Variants in MBNL2 observed in about 807,000 individuals in gnomAD.
The protein encoded by MBNL2 is muscleblind like splicing regulator 2, also known as muscleblind-like protein 2.
In MBNL2, 17 loss-of-function variants were observed where a neutral mutation model predicts 41.9. The ratio of observed to expected loss-of-function variants is 0.41; its 90% CI spans 0.28 to 0.61. The LOEUF (loss-of-function observed/expected upper bound fraction) is 0.61, where lower values mean the gene tolerates loss of function less well. Among genes scored for constraint, MBNL2 ranks in the 20% least tolerant of loss-of-function variants. MBNL2 has a pLI of 0.35. For missense variants in MBNL2, 336 were observed against 505.6 expected, an observed-to-expected ratio of 0.66 and a Z score of 3.22; for synonymous variants, 195 against 182.9, an observed-to-expected ratio of 1.07 and a Z score of -0.53.
At chr13:97,271,051 A>T (rs1230730845) in intron 1 of MBNL2, among the ~76,000 whole-genome samples, 2 of 152,024 alleles carry the variant, frequency 1.3e-5, no homozygotes, top group Non-Finnish European at 2.9e-5. Context: ...TCCTTCTGAA[A>T]CATCTTTGCT....
upstream of MBNL2, among the ~76,000 whole-genome samples, chr13:97,221,748 A>T (rs957418038): frequency 2.6e-5 from 4 of 152,222 alleles, no homozygotes; most frequent in Non-Finnish European, 4.4e-5. Flanking sequence ...CGCAGTAATT[A>T]ACCACTGCAA....
chr13:97,351,931 G>A (rs2062511253), intron 5 of MBNL2, among the ~76,000 whole-genome samples: 1 of 152,156 alleles, frequency 6.6e-6, no homozygotes, highest in South Asian at 2.1e-4. Flanking sequence ...GCTGAGGCAT[G>A]AGAATCGCTT....
At chr13:97,382,466 G>T (rs546809793) in intron 8 of MBNL2, among the ~76,000 whole-genome samples, 1 of 152,292 alleles carries the variant, frequency 6.6e-6, no homozygotes, top group East Asian at 1.9e-4. Context: ...AGCTGTGGAG[G>T]CGCCATAATC....
rs1555317480 is a variant in MBNL2, at chr13:97,346,139, ATAGATAGATGGTAGGTAGG to A, written c.541-654_541-636del. ...AATGAATGGCTGGCTGGATGGACGGATAGATAGATGGTAGGTAGGTAGATAGATGATAGATAATATTAGG... is the reference window on the plus strand; with the variant it reads ...AATGAATGGCTGGCTGGATGGACGGATAGATAGATGATAGATAATATTAGG... On this transcript the variant is annotated intron_variant, in intron 4 of 8. Transcript: ENST00000679496. The surrounding 1 kb of genome is among the most constrained non-coding windows in gnomAD (Gnocchi z 4.2). 6.6e-6 allele frequency among the ~76,000 whole-genome samples: 1 copy of A among 152,104 alleles called. No individual in the cohort carries two copies. The highest frequency in any genetic ancestry group is 1.5e-5 in the Non-Finnish European group (1 of 68,014).
intron 8 of MBNL2, among the ~76,000 whole-genome samples, chr13:97,373,605 A>AATATATAT (rs35049420): frequency 0.075 from 10,924 of 145,254 alleles, 471 homozygotes; most frequent in African/African-American, 0.12. Context: ...GTATGCTAAA[A>AATATATAT]ATATATATAT....
At position 97,361,664 on chromosome 13, in the gene MBNL2, A is replaced by G. The variant is rs150248540; in HGVS notation, c.1013-3472A>G. Among the ~76,000 whole-genome samples the G allele has an allele frequency of 1.2e-4, 19 of 152,106 alleles. No individual in the cohort carries two copies. In the East Asian group the frequency reaches 1.9e-3, roughly 15 times the overall value. ...GAGCTGTGGATTATTTGCAATCCCA[A>G]TGATATTCACATGCATGGCACAGCA... On this transcript the variant is annotated intron_variant, in intron 7 of 8. Transcript: ENST00000679496.
chr13:97,317,144 T>C (rs2059127995), intron 2 of MBNL2, among the ~76,000 whole-genome samples: 1 of 152,074 alleles, frequency 6.6e-6, no homozygotes, highest in South Asian at 2.1e-4. Flanking sequence ...GGTAACTCAA[T>C]GTGGGAGATG....
At chr13:97,218,430 C>CAAAAAAAAAAAAAAAAAAAA (rs746110575), upstream of MBNL2, among the ~76,000 whole-genome samples, 3 of 69,052 alleles carry the variant, frequency 4.3e-5, no homozygotes, top group Non-Finnish European at 5.4e-5. Context: ...AAAAACAAAA[C>CAAAAAAAAAAAAAAAAAAAA]AAAACAAAAC....
intron 1 of MBNL2, among the ~76,000 whole-genome samples, chr13:97,226,813 A>G (rs1435292282): frequency 2.0e-5 from 3 of 152,150 alleles, no homozygotes; most frequent in Non-Finnish European, 4.4e-5. Flanking sequence ...GTCTCAGCAT[A>G]CTGAGTTTTG....
At chr13:97,286,280 A>G (rs1199572824) in intron 2 of MBNL2, among the ~76,000 whole-genome samples, 2 of 152,212 alleles carry the variant, frequency 1.3e-5, no homozygotes, top group African/African-American at 4.8e-5. Flanking sequence ...AGTAGATGGT[A>G]CAATTCCTTG....
the MBNL2 span, among the ~76,000 whole-genome samples, chr13:97,156,548 A>C: frequency 1.4e-5 from 2 of 138,060 alleles, no homozygotes; most frequent in Admixed American, 1.5e-4. Flanking sequence ...TTAAGTCTTT[A>C]ATCCATCTTG....
the MBNL2 span, among the ~76,000 whole-genome samples, chr13:97,161,477 G>A: frequency 6.6e-6 from 1 of 152,160 alleles, no homozygotes; most frequent in Non-Finnish European, 1.5e-5. Flanking sequence ...GACTTTTACT[G>A]TAGTGTGAAA....
intron 1 of MBNL2, among the ~76,000 whole-genome samples, chr13:97,242,999 CCTT>C (rs1168341280): frequency 2.6e-5 from 4 of 152,188 alleles, no homozygotes; most frequent in African/African-American, 4.8e-5. Context: ...GCAGGCGTCT[CCTT>C]CTTGCCCTCT....
At chr13:97,142,039 C>G in the MBNL2 span, among the ~76,000 whole-genome samples, 1 of 150,016 alleles carries the variant, frequency 6.7e-6, no homozygotes, top group East Asian at 1.9e-4. Flanking sequence ...ATTTGCAAAA[C>G]AAAAAAGAAA....
the MBNL2 span, among the ~76,000 whole-genome samples, chr13:97,164,525 C>A: frequency 6.6e-6 from 1 of 151,934 alleles, no homozygotes; most frequent in Non-Finnish European, 1.5e-5. Context: ...ATTTAAATGC[C>A]TAATTGCAAG....
intron 1 of MBNL2, among the ~76,000 whole-genome samples, chr13:97,265,678 T>A (rs2049618160): frequency 6.6e-6 from 1 of 152,178 alleles, no homozygotes; most frequent in African/African-American, 2.4e-5. Flanking sequence ...TGTACATGCA[T>A]GTGGATGTCT....
At chr13:97,362,740 G>A (rs2063514518) in intron 7 of MBNL2, among the ~76,000 whole-genome samples, 1 of 152,146 alleles carries the variant, frequency 6.6e-6, no homozygotes, top group Non-Finnish European at 1.5e-5. Flanking sequence ...ATGAACTAAG[G>A]AGGGACGAGA....
the MBNL2 span, among the ~76,000 whole-genome samples, chr13:97,175,719 A>G: frequency 6.6e-6 from 1 of 152,218 alleles, no homozygotes; most frequent in African/African-American, 2.4e-5. Context: ...GGTGATGAGA[A>G]GCTGAGGGCA....
At chr13:97,185,050 T>A in the MBNL2 span, among the ~76,000 whole-genome samples, 1 of 152,240 alleles carries the variant, frequency 6.6e-6, no homozygotes, top group Non-Finnish European at 1.5e-5. Context: ...GTTATCTCAA[T>A]TATTTCTTGT....
Sources: gnomAD v4.1 joint callset for allele counts (sites outside exome capture counted in the v4.1 genomes callset) on GRCh38, gnomAD v4.1.1 for gene constraint, Gnocchi (gnomAD v3.1) non-coding constraint, MANE v1.5 for transcripts, NCBI Gene and HGNC (gene_info 2026-07-23, HGNC 2026-07-21) for gene names.